The following CRYBG2 variants were observed in gnomAD, a reference collection of about 807,000 sequenced individuals.
CRYBG2 encodes the protein beta/gamma crystallin domain-containing protein 2.
CRYBG2 carries 106 observed loss-of-function variants against 153.4 expected under a neutral mutation model. The observed-to-expected ratio is 0.69, with a 90% CI of 0.59 to 0.81. The LOEUF is 0.81. Ranked by LOEUF, CRYBG2 falls within the 30% of genes least tolerant of loss-of-function variation. CRYBG2 has a pLI of 0.00. For synonymous variants in CRYBG2, 851 were observed against 877.8 expected, an observed-to-expected ratio of 0.97 and a Z score of 0.54; for missense variants, 1,996 against 2,112.0, an observed-to-expected ratio of 0.95 and a Z score of 1.08.
At chr1:26,338,329 G>A in intron 7 of CRYBG2, 22 bp downstream of exon 7, 1 of 1,573,760 alleles carries the variant, frequency 6.4e-7, no homozygotes, top group South Asian at 1.2e-5. Context: ...CTCCTGGCCT[G>A]TGGGTGTGCC....
intron 15 of CRYBG2, among the ~76,000 whole-genome samples, chr1:26,330,538 C>CTT (rs35886545): frequency 0.14 from 16,488 of 117,998 alleles, 1,662 homozygotes; most frequent in South Asian, 0.2. Flanking sequence ...TGTGGCAAGC[C>CTT]TTTTTTTTTT....
intron 15 of CRYBG2, among the ~76,000 whole-genome samples, chr1:26,330,528 T>C (rs2073986570): frequency 1.4e-5 from 2 of 145,376 alleles, no homozygotes; most frequent in South Asian, 4.3e-4. Flanking sequence ...CTTTAGTATA[T>C]GTGGCAAGCC....
Position 26,331,491 on chromosome 1 carries a change from G to A in CRYBG2, c.4312C>T (p.Leu1438=). ...TVLGSLQKVS[L]HFSEPSIFLY... ...TGGAACCAGACATGGAAACTCACCA[G>A]GGATACCTTCTGGAGAGAGCCCAGG... Residue 1438 remains leucine (L), a splice_region_variant and synonymous_variant, in exon 15 of 20, where the codon CTG becomes TTG. Transcript: ENST00000308182. 1 of 1,610,888 alleles carries A rather than the reference G, an allele frequency of 6.2e-7. No individual in the cohort carries two copies. Among genetic ancestry groups the A allele is most frequent in the South Asian group, 1.1e-5 (1 of 91,034 alleles).
chr1:26,338,376 A>T lies in CRYBG2; in HGVS notation c.3446T>A (p.Val1149Glu). The part of the protein sequence containing the change: ...SEAWGTSDPS[V>E]GSLKPMRLGC... ...CAATCTCATGGGCTTCAGGGAGCCCACGCTGGGGTCCGATGTGCCCCAGGC... is the reference window on the plus strand; with the variant it reads ...CAATCTCATGGGCTTCAGGGAGCCCTCGCTGGGGTCCGATGTGCCCCAGGC... Residue 1149 changes from valine to glutamate, a missense_variant, in exon 7 of 20, where the codon GTG (valine) becomes GAG (glutamate). By Grantham distance (121) the Val-to-Glu change is moderately radical. Transcript: ENST00000308182. The T allele has an allele frequency of 6.2e-7, 1 of 1,611,026 alleles. No individual in the cohort carries two copies. Among genetic ancestry groups the T allele is most frequent in the Non-Finnish European group, 8.5e-7 (1 of 1,178,862 alleles).
rs1410035029 is a variant in CRYBG2, at chr1:26,344,909, C to T, written c.1749G>A (p.Val583=). 4.6e-6 allele frequency: 7 copies of T among 1,535,176 alleles called. No individual in the cohort carries two copies. The highest frequency in any genetic ancestry group is 4.4e-6 in the Non-Finnish European group (5 of 1,147,766). ...AGGCAGCAGGAGCACCAGGGCCCTT[C>T]ACAACCTCTTTTGGGGTGGTGGACA... ...AALSTTPKEV[V]KGPGAPAASS... is the part of the protein sequence containing the mutation. The change falls in exon 2 of 20, where the codon GTG becomes GTA. Residue 583 remains valine (V), a synonymous_variant. Coordinates refer to ENST00000308182, the MANE Select transcript of CRYBG2 (RefSeq NM_001039775.4).
At chr1:26,353,508 G>T (rs1052322193) in intron 1 of CRYBG2, among the ~76,000 whole-genome samples, 1 of 152,142 alleles carries the variant, frequency 6.6e-6, no homozygotes, top group African/African-American at 2.4e-5. Flanking sequence ...GAGCCAGGTG[G>T]GGTAATTATT....
Position 26,345,276 on chromosome 1 carries a change from C to T in CRYBG2, c.1382G>A (p.Arg461Lys), listed in dbSNP as rs1028651411. The change falls in exon 2 of 20, where the codon AGG (arginine) becomes AAG (lysine). Residue 461 changes from arginine (R) to lysine (K), a missense_variant. Physicochemically the swap from Arg to Lys is conservative, Grantham distance 26. Coordinates refer to ENST00000308182, the MANE Select transcript of CRYBG2 (RefSeq NM_001039775.4). ...ENVPVLPFTQREVVKGPGAPA... is the reference protein window; with the variant it reads ...ENVPVLPFTQKEVVKGPGAPA... The stretch of plus-strand genomic sequence containing the variant: ...AGCACCGGGGCCCTTCACGACCTCC[C>T]TCTGGGTAAAGGGGAGGACAGGGAC... The T allele has an allele frequency of 1.2e-6, 2 of 1,612,754 alleles. No homozygotes were observed. The highest frequency in any genetic ancestry group is 1.7e-6 in the Non-Finnish European group (2 of 1,179,646).
chr1:26,345,916 G>A lies in CRYBG2; in HGVS notation c.742C>T (p.Pro248Ser), dbSNP rs772697936. Residue 248 changes from proline to serine, a missense_variant, in exon 2 of 20, where the codon CCC becomes TCC. Pro to Ser is a moderately conservative substitution (Grantham distance 74). Coordinates refer to ENST00000308182, the MANE Select transcript of CRYBG2 (RefSeq NM_001039775.4). Reference sequence around the variant, plus strand: ...GGCCTGGGCAGGTGACTGGCAGGGGGGCTGTGCCCAGCAGGCACGAGGTTA... The same window carrying A: ...GGCCTGGGCAGGTGACTGGCAGGGGAGCTGTGCCCAGCAGGCACGAGGTTA... ...LSNLVPAGHS[P>S]PASHLPRPTA... is the part of the protein sequence containing the mutation. 7.5e-6 allele frequency: 12 copies of A among 1,596,998 alleles called. No homozygotes were observed. The Admixed American group carries it at 1.5e-4, about 20-fold the overall frequency.
At chr1:26,330,692 C>T (rs1335186589) in intron 15 of CRYBG2, among the ~76,000 whole-genome samples, 1 of 152,066 alleles carries the variant, frequency 6.6e-6, no homozygotes, top group South Asian at 2.1e-4. Context: ...ACGTGCACCA[C>T]CACACCTGGC....
At chr1:26,327,426 C>T (rs538611331) in intron 17 of CRYBG2, among the ~76,000 whole-genome samples, 1 of 152,072 alleles carries the variant, frequency 6.6e-6, no homozygotes, top group East Asian at 1.9e-4. Context: ...CGAGATCACG[C>T]CATTGCACTT....
chr1:26,345,898 G>A lies in CRYBG2; in HGVS notation c.760C>T (p.Pro254Ser), dbSNP rs747626629. The A allele has an allele frequency of 6.3e-7, 1 of 1,597,526 alleles. No individual in the cohort carries two copies. The highest frequency in any genetic ancestry group is 8.5e-7 in the Non-Finnish European group (1 of 1,179,474). Residue 254 changes from proline (P) to serine (S), a missense_variant, in exon 2 of 20, where the codon CCC becomes TCC. Pro to Ser is a moderately conservative substitution (Grantham distance 74). Transcript: ENST00000308182. ...CTTGGCCCGCCAGCCGTGGGCCTGG[G>A]CAGGTGACTGGCAGGGGGGCTGTGC... The part of the protein sequence containing the change: ...AGHSPPASHL[P>S]RPTAGGPRST...
At position 26,343,439 on chromosome 1, in the gene CRYBG2, C is replaced by T; in HGVS notation, c.2914-146G>A. The T allele has an allele frequency of 9.5e-7, 1 of 1,055,562 alleles. No homozygotes were observed. Among genetic ancestry groups the T allele is most frequent in the South Asian group, 1.4e-5 (1 of 69,362 alleles). The allele number at this position is 1,055,562 out of a possible 1,614,324, so 65.4% of individuals were successfully genotyped here. On this transcript the variant is annotated intron_variant, in intron 2 of 19. Transcript: ENST00000308182. This position sits in a 1 kb window ranked among gnomAD's most constrained non-coding sequence, Gnocchi z 4.1. ...GCATAGAGGATGCTCACACTTGTTC[C>T]CAACCCCCAAGGGCCTCATCACCCT...
chr1:26,326,729 A>G, intron 17 of CRYBG2: 1 of 390,036 alleles, frequency 2.6e-6, no homozygotes, highest in Non-Finnish European at 5.3e-6. Context: ...TTCCTACGGT[A>G]CAGCCTCTAA....
intron 14 of CRYBG2, among the ~76,000 whole-genome samples, chr1:26,333,039 A>AAAAAAAAAAAAAAAAAAAAT: frequency 1.4e-5 from 2 of 146,148 alleles, no homozygotes; most frequent in Non-Finnish European, 1.5e-5. Flanking sequence ...AAAAAAAAAA[A>AAAAAAAAAAAAAAAAAAAAT]AAAAAAAGAT....
intron 1 of CRYBG2, among the ~76,000 whole-genome samples, chr1:26,349,392 C>G (rs2074262909): frequency 6.6e-6 from 1 of 152,064 alleles, no homozygotes; most frequent in African/African-American, 2.4e-5. Context: ...ATTTCACATC[C>G]AGGCATCCTC....
At position 26,345,049 on chromosome 1, in the gene CRYBG2, C is replaced by T. The variant is rs1188822659; in HGVS notation, c.1609G>A (p.Ala537Thr). ...CAGGTGGGAAATGAGGCATCAGGAG[C>T]ACCGGGGCCCTTCACGACCTCTTTC... ...TWKEVVKGPG[A>T]PDASFPTWKE... Residue 537 changes from alanine (A) to threonine (T), a missense_variant, in exon 2 of 20, where the codon GCT becomes ACT. Physicochemically the swap from Ala to Thr is moderately conservative, Grantham distance 58. Coordinates refer to ENST00000308182, the MANE Select transcript of CRYBG2 (RefSeq NM_001039775.4). The T allele has an allele frequency of 2.9e-6, 1 of 344,850 alleles. No individual in the cohort carries two copies. Among genetic ancestry groups the T allele is most frequent in the African/African-American group, 5.8e-5 (1 of 17,244 alleles). 21.4% of individuals were successfully genotyped at this position (344,850 alleles called of 1,614,324 possible). A position where few individuals can be genotyped will look rare whatever the true frequency, so the allele number is the denominator to read the frequency against.
At chr1:26,324,441 T>G in intron 17 of CRYBG2, 131 bp from the exon 18 acceptor site, 1 of 1,007,766 alleles carries the variant, frequency 9.9e-7, no homozygotes, top group Non-Finnish European at 1.4e-6. Flanking sequence ...CTTCCTTGAC[T>G]CTATTTCTAA....
At chr1:26,326,966 C>T (rs1329601551) in intron 17 of CRYBG2, 1 of 499,294 alleles carries the variant, frequency 2.0e-6, no homozygotes, top group Non-Finnish European at 4.0e-6. Flanking sequence ...ATCAAGCCTG[C>T]TTTCCTTATG....
At chr1:26,339,205 G>A (rs550052184) in intron 6 of CRYBG2, 85 bp downstream of exon 6, 4 of 1,515,586 alleles carry the variant, frequency 2.6e-6, no homozygotes, top group East Asian at 4.6e-5. Context: ...CCTGAAGGCA[G>A]GAACTGTGTT....
Sources: gnomAD v4.1 joint callset for allele counts (sites outside exome capture counted in the v4.1 genomes callset) on GRCh38, gnomAD v4.1.1 for gene constraint, Gnocchi (gnomAD v3.1) non-coding constraint, MANE v1.5 for transcripts, NCBI Gene and HGNC (gene_info 2026-07-23, HGNC 2026-07-21) for gene names.